Variants in MEGF11 observed in about 807,000 individuals in gnomAD.
MEGF11 encodes multiple EGF like domains 11.
MEGF11 carries 126 observed loss-of-function variants against 146.6 expected under a neutral mutation model. The ratio of observed to expected loss-of-function variants is 0.86; its 90% CI spans 0.74 to 1.00. The LOEUF (loss-of-function observed/expected upper bound fraction) is 1.00. MEGF11 is among the 50% of genes least tolerant of loss of function. The pLI, the probability that MEGF11 is intolerant of heterozygous loss-of-function variation, is 0.00. For synonymous variants in MEGF11, 532 were observed against 583.4 expected (o/e 0.91, Z 1.27); for missense variants, 1,509 against 1,521.2 (o/e 0.99, Z 0.13).
chr15:66,038,770 C>T (rs1296775850), intron 5 of MEGF11, among the ~76,000 whole-genome samples: 1 of 152,118 alleles, frequency 6.6e-6, no homozygotes, highest in African/African-American at 2.4e-5. Context: ...ATGCAGTTTC[C>T]TAGGGCAGAT....
chr15:65,903,565 C>T (rs577822906), intron 24 of MEGF11, among the ~76,000 whole-genome samples: 1 of 152,342 alleles, frequency 6.6e-6, no homozygotes, highest in Non-Finnish European at 1.5e-5. Context: ...ACCCAGAAAA[C>T]AGTGCTGTGA....
At chr15:66,071,877 G>A (rs1306681100) in intron 5 of MEGF11, among the ~76,000 whole-genome samples, 2 of 152,150 alleles carry the variant, frequency 1.3e-5, no homozygotes, top group South Asian at 2.1e-4. Context: ...CGTTCACTCC[G>A]GTAATTAATA....
chr15:66,135,085 C>T (rs974719383), intron 1 of MEGF11, among the ~76,000 whole-genome samples: 2 of 152,196 alleles, frequency 1.3e-5, no homozygotes, highest in African/African-American at 2.4e-5. Context: ...AGACCAACTT[C>T]AAGGGCTGTT....
intron 4 of MEGF11, among the ~76,000 whole-genome samples, chr15:66,116,572 C>T (rs2087740694): frequency 6.6e-6 from 1 of 152,186 alleles, no homozygotes; most frequent in Non-Finnish European, 1.5e-5. Flanking sequence ...GTAACATGAA[C>T]ATGTGGTAAC....
intron 1 of MEGF11, among the ~76,000 whole-genome samples, chr15:66,153,625 T>G (rs777033087): frequency 5.3e-5 from 8 of 152,126 alleles, no homozygotes; most frequent in Non-Finnish European, 7.4e-5. Context: ...TGACTCATGA[T>G]GTGATCCAAA....
intron 1 of MEGF11, among the ~76,000 whole-genome samples, chr15:66,130,977 TGGGCACCATCTGATTTA>T (rs1567257314): frequency 1.3e-5 from 2 of 152,188 alleles, no homozygotes; most frequent in Non-Finnish European, 2.9e-5. Context: ...GTTAACATAT[TGGGCACCATCTGATTTA>T]GGGCATTAAT....
chr15:65,917,854 G>T, intron 16 of MEGF11, 112 bp downstream of exon 16: 2 of 1,276,468 alleles, frequency 1.6e-6, no homozygotes, highest in Non-Finnish European at 1.1e-6. Flanking sequence ...CATGCAGAAG[G>T]AGATTTCATC....
intron 5 of MEGF11, among the ~76,000 whole-genome samples, chr15:66,054,474 C>T (rs1333984275): frequency 1.3e-5 from 2 of 152,202 alleles, no homozygotes; most frequent in African/African-American, 2.4e-5. Context: ...GCTGCTCCCA[C>T]TGCCTAGAAT....
chr15:65,942,115 T>G (rs186430981), intron 10 of MEGF11, among the ~76,000 whole-genome samples: 2,252 of 152,158 alleles, frequency 0.015, 52 homozygotes, highest in African/African-American at 0.051. Flanking sequence ...TTGCCCCAGG[T>G]CACAGCATGG....
chr15:66,192,938 A>G (rs544836736), intron 1 of MEGF11, among the ~76,000 whole-genome samples: 40 of 152,336 alleles, frequency 2.6e-4, no homozygotes, highest in Non-Finnish European at 1.0e-4. Flanking sequence ...GGTGTGATGG[A>G]GAGGAATAGG....
At chr15:66,015,816 G>C (rs1163777090) in intron 5 of MEGF11, among the ~76,000 whole-genome samples, 1 of 151,928 alleles carries the variant, frequency 6.6e-6, no homozygotes, top group Admixed American at 6.6e-5. Context: ...CAGCCTGAGA[G>C]GACGATGAGA....
rs1457724124 is a variant in MEGF11 at position 65,896,206 on chromosome 15, G to A, written c.*1728C>T. 1 of 152,476 alleles carries A rather than the reference G, an allele frequency of 6.6e-6. No homozygotes were observed. Among genetic ancestry groups the A allele is most frequent in the Non-Finnish European group, 1.5e-5 (1 of 68,016 alleles). The allele number at this position is 152,476 out of a possible 1,614,324, so 9.4% of individuals were successfully genotyped here. A position where few individuals can be genotyped will look rare whatever the true frequency, so the allele number is the denominator to read the frequency against. On this transcript the variant is annotated 3_prime_UTR_variant, in exon 26 of 26. Coordinates refer to ENST00000395614, the MANE Select transcript of MEGF11 (RefSeq NM_001385028.1). ...TTTCTAATATTTATATTTTAATAAG[G>A]CTTTTTTGGAAAGTAAATTTACTAT...
At chr15:66,072,466 A>C (rs2085408877) in intron 5 of MEGF11, among the ~76,000 whole-genome samples, 1 of 152,080 alleles carries the variant, frequency 6.6e-6, no homozygotes, top group South Asian at 2.1e-4. Flanking sequence ...TATTCTTGTT[A>C]ATTGTGTTTC....
At chr15:66,205,893 A>G (rs973779295) in intron 1 of MEGF11, among the ~76,000 whole-genome samples, 3 of 152,246 alleles carry the variant, frequency 2.0e-5, no homozygotes, top group South Asian at 2.1e-4. Context: ...AGGTTTCAAT[A>G]CAAAATCACT....
At chr15:65,938,281 C>T (rs1416206222) in intron 10 of MEGF11, among the ~76,000 whole-genome samples, 1 of 152,234 alleles carries the variant, frequency 6.6e-6, no homozygotes, top group East Asian at 1.9e-4. Flanking sequence ...ACAGCCAATG[C>T]AAGGTGAACA....
At chr15:65,901,744 C>G (rs2078500465) in intron 24 of MEGF11, 1 of 151,998 alleles carries the variant, frequency 6.6e-6, no homozygotes. Flanking sequence ...TGCATATTTT[C>G]TAACATGTGA....
intron 13 of MEGF11, among the ~76,000 whole-genome samples, chr15:65,927,123 C>T (rs1429036720): frequency 1.3e-5 from 2 of 152,216 alleles, no homozygotes; most frequent in Non-Finnish European, 2.9e-5. Flanking sequence ...AGTAGGTTCA[C>T]TTCTGAAATG....
chr15:65,947,490 G>A (rs117297706), intron 10 of MEGF11, among the ~76,000 whole-genome samples: 152 of 152,262 alleles, frequency 1.0e-3, no homozygotes, highest in Non-Finnish European at 2.0e-3. Context: ...TGCAAAGTGG[G>A]GATGCTACAG....
chr15:65,941,987 C>CT (rs150612772), intron 10 of MEGF11, among the ~76,000 whole-genome samples: 11,455 of 151,796 alleles, frequency 0.075, 506 homozygotes, highest in Non-Finnish European at 0.094. Context: ...GTGCCAGGCA[C>CT]TTTTTTTTTC....
Sources: allele counts gnomAD v4.1 joint callset (sites outside exome capture counted in the v4.1 genomes callset), GRCh38; gene constraint gnomAD v4.1.1; transcripts MANE v1.5; gene names NCBI Gene and HGNC (gene_info 2026-07-23, HGNC 2026-07-21).